Variants in NEDD4 observed in about 807,000 individuals in gnomAD.
The protein encoded by NEDD4 is E3 ubiquitin-protein ligase NEDD4.
A neutral mutation model predicts 144.9 loss-of-function variants in NEDD4; 99 were observed. The observed-to-expected ratio is 0.68, with a 90% CI of 0.58 to 0.81. The LOEUF is 0.81. Among genes scored for constraint, NEDD4 ranks in the 30% least tolerant of loss-of-function variants. The pLI is 0.00. For synonymous variants in NEDD4, 318 were observed against 350.6 expected (o/e 0.91, Z 1.04); for missense variants, 985 against 1,065.9 (o/e 0.92, Z 1.06).
intron 1 of NEDD4, among the ~76,000 whole-genome samples, chr15:55,969,808 G>T (rs1343788198): frequency 1.3e-5 from 2 of 152,034 alleles, no homozygotes; most frequent in Non-Finnish European, 2.9e-5. Context: ...GTATTATGCT[G>T]ACTTCGGGTG....
chr15:55,966,087 C>T (rs1309662351), intron 2 of NEDD4, among the ~76,000 whole-genome samples: 2 of 152,196 alleles, frequency 1.3e-5, no homozygotes, highest in Non-Finnish European at 2.9e-5. Flanking sequence ...AGTACAATTC[C>T]CTTCTTCCAA....
intron 5 of NEDD4, among the ~76,000 whole-genome samples, chr15:55,894,840 G>C (rs1036406959): frequency 5.3e-5 from 8 of 152,148 alleles, no homozygotes; most frequent in Non-Finnish European, 1.2e-4. Context: ...ATCAGAGGTT[G>C]TGTCCGTATC....
At chr15:55,917,907 A>G (rs1261969767) in intron 5 of NEDD4, among the ~76,000 whole-genome samples, 2 of 152,150 alleles carry the variant, frequency 1.3e-5, no homozygotes, top group Non-Finnish European at 2.9e-5. Flanking sequence ...CAATTCATTC[A>G]CTTAAGAGAG....
At chr15:55,921,065 G>T (rs2036560315) in intron 5 of NEDD4, among the ~76,000 whole-genome samples, 1 of 152,140 alleles carries the variant, frequency 6.6e-6, no homozygotes, top group African/African-American at 2.4e-5. Flanking sequence ...AACGCGTTAA[G>T]TCTACGAATG....
chr15:55,838,072 A>G (rs777881779), intron 23 of NEDD4, 35 bp downstream of exon 23: 5 of 1,265,528 alleles, frequency 4.0e-6, no homozygotes, highest in South Asian at 2.7e-5. Flanking sequence ...GTACAAAATT[A>G]TATCCAATAA....
intron 5 of NEDD4, among the ~76,000 whole-genome samples, chr15:55,903,814 G>A: frequency 8.1e-6 from 1 of 123,230 alleles, no homozygotes; most frequent in Non-Finnish European, 1.6e-5. Context: ...GACAGAGTGA[G>A]ACTCCATCTC....
intron 5 of NEDD4, among the ~76,000 whole-genome samples, chr15:55,878,473 A>G (rs1218029714): frequency 1.3e-5 from 2 of 152,202 alleles, no homozygotes; most frequent in Non-Finnish European, 2.9e-5. Flanking sequence ...ATGCAGTACT[A>G]CTTCAAACCC....
chr15:55,956,101 A>G (rs2037333370), intron 2 of NEDD4, among the ~76,000 whole-genome samples: 1 of 152,174 alleles, frequency 6.6e-6, no homozygotes, highest in African/African-American at 2.4e-5. Flanking sequence ...GGTGTGAGCC[A>G]CCATGCCCAG....
intron 8 of NEDD4, among the ~76,000 whole-genome samples, chr15:55,864,657 G>C (rs1464573154): frequency 6.8e-6 from 1 of 147,530 alleles, no homozygotes; most frequent in African/African-American, 2.5e-5. Context: ...ACTCCAGCCT[G>C]GACAACAAGA....
intron 4 of NEDD4, among the ~76,000 whole-genome samples, chr15:55,931,481 TATAAG>T (rs1264029354): frequency 6.6e-6 from 1 of 152,050 alleles, no homozygotes; most frequent in Non-Finnish European, 1.5e-5. Context: ...AAATAGAGTT[TATAAG>T]ATGATATTTT....
At chr15:55,867,762 A>C (rs576398860) in intron 8 of NEDD4, among the ~76,000 whole-genome samples, 6 of 152,244 alleles carry the variant, frequency 3.9e-5, no homozygotes, top group African/African-American at 1.4e-4. Context: ...TGAAGAAAAA[A>C]GGTTCTTTCC....
At chr15:55,958,369 G>A (rs2037372896) in intron 2 of NEDD4, among the ~76,000 whole-genome samples, 1 of 152,002 alleles carries the variant, frequency 6.6e-6, no homozygotes, top group Admixed American at 6.6e-5. Flanking sequence ...TGCATTTGTA[G>A]GAAAAATCCT....
chr15:55,872,274 AAATAATAAT>A (rs200943726), intron 7 of NEDD4, 132 bp downstream of exon 7: 4 of 232,004 alleles, frequency 1.7e-5, no homozygotes, highest in Non-Finnish European at 3.4e-5. Flanking sequence ...GAAGCTTTTA[AAATAATAAT>A]AATAATAATA....
chr15:55,934,937 C>T (rs1040071338), intron 4 of NEDD4, among the ~76,000 whole-genome samples: 6 of 117,178 alleles, frequency 5.1e-5, no homozygotes, highest in African/African-American at 1.7e-4. Context: ...GGCACAATAT[C>T]GGCTCACTGC....
chr15:55,982,572 TAG>T (rs1207126654), intron 1 of NEDD4, among the ~76,000 whole-genome samples: 1 of 152,118 alleles, frequency 6.6e-6, no homozygotes. Context: ...AGGCTGCCTA[TAG>T]AGAGTAGACG....
At chr15:55,989,573 C>T (rs1269409259) in intron 1 of NEDD4, among the ~76,000 whole-genome samples, 2 of 152,218 alleles carry the variant, frequency 1.3e-5, no homozygotes, top group African/African-American at 4.8e-5. Flanking sequence ...GTTGTGGCTG[C>T]TGCCACCAGG....
Position 55,966,456 on chromosome 15 carries a change from C to A in NEDD4, c.119+17G>T. 2 of 1,447,728 alleles carry A rather than the reference C, an allele frequency of 1.4e-6. No homozygotes were observed. The highest frequency in any genetic ancestry group is 1.3e-5 in the South Asian group (1 of 74,486). 89.7% of individuals were successfully genotyped at this position (1,447,728 alleles called of 1,614,324 possible). ...AATGCAAAGTTTTAAAATTATAATC[C>A]AAATAGATATACTTACCTAGCTCCC... On this transcript the variant is annotated intron_variant, in intron 2 of 28. Transcript: ENST00000435532.
chr15:55,968,129 C>T lies in NEDD4; in HGVS notation c.46-1583G>A, dbSNP rs1232642594. Among the ~76,000 whole-genome samples, 6 of 151,978 alleles carry T rather than the reference C, an allele frequency of 3.9e-5. No homozygotes were observed. The East Asian group carries it at 1.2e-3, about 29-fold the overall frequency. On this transcript the variant is annotated intron_variant, in intron 1 of 28. Transcript: ENST00000435532. Reference sequence around the variant, plus strand: ...TCCAAAGTAATCTATAAATTTAATACTATTCCCATTCTCCCTTCAAATTTT... The same window carrying T: ...TCCAAAGTAATCTATAAATTTAATATTATTCCCATTCTCCCTTCAAATTTT...
intron 2 of NEDD4, among the ~76,000 whole-genome samples, chr15:55,965,482 T>G (rs993175969): frequency 6.6e-6 from 1 of 152,142 alleles, no homozygotes; most frequent in Non-Finnish European, 1.5e-5. Context: ...TCTTAGGCAG[T>G]GACTGTGATC....
Sources: gnomAD v4.1 joint callset for allele counts (sites outside exome capture counted in the v4.1 genomes callset) on GRCh38, gnomAD v4.1.1 for gene constraint, MANE v1.5 for transcripts, NCBI Gene and HGNC (gene_info 2026-07-23, HGNC 2026-07-21) for gene names.